Variants in CADM2 observed in about 807,000 individuals in gnomAD.
CADM2 encodes cell adhesion molecule 2.
CADM2 carries 12 observed loss-of-function variants against 49.8 expected under a neutral mutation model. The ratio of observed to expected loss-of-function variants is 0.24; its 90% CI spans 0.15 to 0.39. CADM2 has a LOEUF of 0.39. CADM2 is among the 10% of genes least tolerant of loss of function. The probability of loss-of-function intolerance (pLI) is 1.00; values close to 1 mark genes in which losing one functional copy is unlikely to be tolerated. For missense variants in CADM2, 378 were observed against 492.3 expected (o/e 0.77, Z 2.20); for synonymous variants, 214 against 175.4 (o/e 1.22, Z -1.74).
At chr3:86,003,665 G>C (rs1383267829) in intron 8 of CADM2, among the ~76,000 whole-genome samples, 3 of 152,146 alleles carry the variant, frequency 2.0e-5, no homozygotes, top group African/African-American at 7.2e-5. Context: ...ATCACTCACA[G>C]ATACAGATCC....
rs568427171 is a variant in CADM2, at chr3:85,569,595, T to A, written c.62-156927T>A. Among the ~76,000 whole-genome samples, 7 of 152,114 alleles carry A rather than the reference T, an allele frequency of 4.6e-5. No individual in the cohort carries two copies. The South Asian group carries it at 1.2e-3, about 27-fold the overall frequency. ...TGCCAGCATTTGGTGTTGTTCTTTG[T>A]TGAATATTTTATTTTAGCATTCCGA... On this transcript the variant is annotated intron_variant, in intron 1 of 9. Transcript: ENST00000383699.
Position 85,860,680 on chromosome 3 carries a change from G to A in CADM2, c.239-22611G>A, listed in dbSNP as rs145078395. On this transcript the variant is annotated intron_variant, in intron 3 of 9. Transcript: ENST00000383699. ...CTATTAGGGCATGAATTCCATTCAC[G>A]AAAGCTCTGATCTTATGACTGAATC... Among the ~76,000 whole-genome samples, 25 of 152,240 alleles carry A rather than the reference G, an allele frequency of 1.6e-4. No individual in the cohort carries two copies. The East Asian group carries it at 4.3e-3, about 26-fold the overall frequency.
At chr3:85,517,807 A>C (rs1559882209) in intron 1 of CADM2, among the ~76,000 whole-genome samples, 1 of 152,296 alleles carries the variant, frequency 6.6e-6, no homozygotes, top group East Asian at 1.9e-4. Flanking sequence ...AATTATGGAG[A>C]CAAATATAAT....
At chr3:85,773,012 A>G (rs1219728417) in intron 2 of CADM2, among the ~76,000 whole-genome samples, 2 of 151,932 alleles carry the variant, frequency 1.3e-5, no homozygotes, top group African/African-American at 4.8e-5. Context: ...CCTATAACAG[A>G]TAGATCCCAG....
chr3:86,030,555 G>A (rs1734431823), intron 8 of CADM2, among the ~76,000 whole-genome samples: 1 of 151,910 alleles, frequency 6.6e-6, no homozygotes, highest in Non-Finnish European at 1.5e-5. Context: ...AAATATGAAT[G>A]TTAAATTGGT....
chr3:85,941,397 T>G (rs2108554358), intron 7 of CADM2, among the ~76,000 whole-genome samples: 1 of 152,210 alleles, frequency 6.6e-6, no homozygotes, highest in East Asian at 1.9e-4. Context: ...GGGTCTGTAT[T>G]TTCAAAAACA....
intron 1 of CADM2, among the ~76,000 whole-genome samples, chr3:85,678,497 C>A (rs1159537612): frequency 6.6e-6 from 1 of 152,094 alleles, no homozygotes; most frequent in Non-Finnish European, 1.5e-5. Context: ...TTATTGCTTT[C>A]TAGTCATCCT....
chr3:86,017,816 G>A (rs1732490400), intron 8 of CADM2, among the ~76,000 whole-genome samples: 1 of 143,798 alleles, frequency 7.0e-6, no homozygotes, highest in Non-Finnish European at 1.5e-5. Flanking sequence ...TATGTTATGT[G>A]TACCCTTAAA....
intron 1 of CADM2, among the ~76,000 whole-genome samples, chr3:85,625,620 A>C (rs1011754603): frequency 6.6e-6 from 1 of 152,056 alleles, no homozygotes; most frequent in African/African-American, 2.4e-5. Context: ...ATATATTACT[A>C]TACATAATAT....
At chr3:85,646,721 C>T (rs971994594) in intron 1 of CADM2, among the ~76,000 whole-genome samples, 1 of 151,880 alleles carries the variant, frequency 6.6e-6, no homozygotes, top group African/African-American at 2.4e-5. Context: ...TCTCAAATCG[C>T]AGCATAGAGG....
chr3:85,121,413 G>A (rs1196422577), intron 1 of CADM2, among the ~76,000 whole-genome samples: 1 of 152,120 alleles, frequency 6.6e-6, no homozygotes, highest in East Asian at 1.9e-4. Flanking sequence ...GGGAAACAAA[G>A]CATCGAAGAA....
chr3:85,985,873 A>G (rs1232264371), intron 8 of CADM2, among the ~76,000 whole-genome samples: 1 of 152,024 alleles, frequency 6.6e-6, no homozygotes, highest in Admixed American at 6.6e-5. Context: ...AAAGGTTGGG[A>G]TGAATTGTCA....
At chr3:84,974,540 A>G (rs1186910646) in intron 1 of CADM2, among the ~76,000 whole-genome samples, 2 of 152,000 alleles carry the variant, frequency 1.3e-5, no homozygotes, top group Admixed American at 1.3e-4. Context: ...TATAAAGGGA[A>G]CTAGGTGGTG....
At chr3:85,349,456 T>C (rs986862848) in intron 1 of CADM2, among the ~76,000 whole-genome samples, 2 of 152,204 alleles carry the variant, frequency 1.3e-5, no homozygotes, top group African/African-American at 4.8e-5. Flanking sequence ...GCTAAGTTTT[T>C]GTTTTGTTTT....
intron 1 of CADM2, among the ~76,000 whole-genome samples, chr3:85,019,173 T>C (rs1221383554): frequency 1.3e-5 from 2 of 152,222 alleles, no homozygotes; most frequent in Admixed American, 6.5e-5. Context: ...GTGCCTGTAA[T>C]GTTCCCAGTT....
At chr3:85,927,773 G>T (rs1459667823) in intron 6 of CADM2, among the ~76,000 whole-genome samples, 1 of 152,012 alleles carries the variant, frequency 6.6e-6, no homozygotes, top group Non-Finnish European at 1.5e-5. Flanking sequence ...GTTAAGTGTT[G>T]ATTTTATATA....
At chr3:85,496,835 GTCTT>G (rs2039924502) in intron 1 of CADM2, among the ~76,000 whole-genome samples, 1 of 151,970 alleles carries the variant, frequency 6.6e-6, no homozygotes, top group South Asian at 2.1e-4. Flanking sequence ...CCACTTGTAT[GTCTT>G]TATTTATTTA....
intron 1 of CADM2, among the ~76,000 whole-genome samples, chr3:85,315,847 A>G (rs1333391365): frequency 6.6e-6 from 1 of 152,130 alleles, no homozygotes; most frequent in Non-Finnish European, 1.5e-5. Context: ...AAATTATGAA[A>G]TTTTGACACA....
At chr3:85,107,944 C>T (rs1283738798) in intron 1 of CADM2, among the ~76,000 whole-genome samples, 1 of 151,914 alleles carries the variant, frequency 6.6e-6, no homozygotes, top group Non-Finnish European at 1.5e-5. Flanking sequence ...TCAGGTGATC[C>T]ACCCACCTTG....
Sources: allele counts gnomAD v4.1 joint callset (sites outside exome capture counted in the v4.1 genomes callset), GRCh38; gene constraint gnomAD v4.1.1; transcripts MANE v1.5; gene names NCBI Gene and HGNC (gene_info 2026-07-23, HGNC 2026-07-21).